PSEN2: variants seen among roughly 807,000 people sequenced by gnomAD.
PSEN2 encodes presenilin 2.
In PSEN2, 32 loss-of-function variants were observed where a neutral mutation model predicts 49.1. The observed-to-expected ratio is 0.65, with a 90% CI of 0.49 to 0.88. The LOEUF (loss-of-function observed/expected upper bound fraction) is 0.88, where lower values mean the gene tolerates loss of function less well. Among genes scored for constraint, PSEN2 ranks in the 40% least tolerant of loss-of-function variants. The pLI is 0.00. For missense variants in PSEN2, 522 were observed against 586.9 expected, an observed-to-expected ratio of 0.89 and a Z score of 1.14; for synonymous variants, 255 against 244.0, an observed-to-expected ratio of 1.05 and a Z score of -0.42.
At chr1:226,890,187 G>C (rs542445029) in intron 9 of PSEN2, 54 bp downstream of exon 9, 321 of 1,428,468 alleles carry the variant, frequency 2.2e-4, no homozygotes, top group Non-Finnish European at 2.8e-4. Context: ...GCAGCCTGTG[G>C]GGGGACAGGG....
downstream of PSEN2, chr1:226,896,248 A>G (rs1386954130): frequency 6.4e-6 from 1 of 156,294 alleles, no homozygotes; most frequent in Admixed American, 6.1e-5. Context: ...ACATTTCTTT[A>G]ACTAGAAAGT....
At chr1:226,872,927 C>T (rs891858726) in intron 2 of PSEN2, among the ~76,000 whole-genome samples, 5 of 152,128 alleles carry the variant, frequency 3.3e-5, no homozygotes, top group Admixed American at 3.3e-4. Context: ...TCTGTAATCC[C>T]AGCACTTTGG....
chr1:226,894,044 C>T lies in PSEN2; in HGVS notation c.1110C>T (p.Tyr370=), dbSNP rs1156601908. The change falls in exon 12 of 13, where the codon TAC becomes TAT. Residue 370 remains tyrosine (Y), a synonymous_variant. Coordinates refer to ENST00000366783, the MANE Select transcript of PSEN2 (RefSeq NM_000447.3). ...TTGGCCTCGGGGACTTCATCTTCTA[C>T]AGTGTGCTGGTGGGCAAGGCGGCTG... The part of the protein sequence containing the change: ...VKLGLGDFIF[Y]SVLVGKAAAT... 1 of 1,614,202 alleles carries T rather than the reference C, an allele frequency of 6.2e-7. No individual in the cohort carries two copies. The highest frequency in any genetic ancestry group is 8.5e-7 in the Non-Finnish European group (1 of 1,180,014).
At chr1:226,881,808 GCCTCCAGCCACCCCCTGAGT>G in intron 3 of PSEN2, 60 bp from the exon 4 acceptor site, 1 of 1,532,074 alleles carries the variant, frequency 6.5e-7, no homozygotes, top group South Asian at 1.1e-5. Context: ...TCTCCAGGTC[GCCTCCAGCCACCCCCTGAGT>G]CCTCCACTGC....
intron 12 of PSEN2, among the ~76,000 whole-genome samples, chr1:226,902,958 TG>T (rs1000348059): frequency 2.0e-4 from 30 of 149,202 alleles, no homozygotes; most frequent in African/African-American, 6.0e-4. Flanking sequence ...CACACACACA[TG>T]GAGAAACAAA....
intron 6 of PSEN2, among the ~76,000 whole-genome samples, chr1:226,887,882 C>CT (rs1661468400): frequency 6.6e-6 from 1 of 152,134 alleles, no homozygotes; most frequent in African/African-American, 2.4e-5. Flanking sequence ...GGAGTCCTGT[C>CT]TGCATGCGCT....
chr1:226,893,977 C>G (rs1661930980), intron 11 of PSEN2, 30 bp from the exon 12 acceptor site: 2 of 1,558,750 alleles, frequency 1.3e-6, no homozygotes, highest in Admixed American at 1.7e-5. Flanking sequence ...CACGCCTCTT[C>G]AGTACGGGTT....
At chr1:226,891,665 C>T in intron 10 of PSEN2, 78 bp from the exon 11 acceptor site, 3 of 1,311,228 alleles carry the variant, frequency 2.3e-6, no homozygotes, top group Non-Finnish European at 3.3e-6. Context: ...TGGTAACACT[C>T]TGACCAGCTG....
Position 226,895,853 on chromosome 1 carries a change from G to C in PSEN2, c.*274G>C, listed in dbSNP as rs1377731231. 3.1e-5 allele frequency: 16 copies of C among 520,212 alleles called. No homozygotes were observed. Among genetic ancestry groups the C allele is most frequent in the Non-Finnish European group, 5.6e-5 (16 of 287,328 alleles). 32.2% of individuals were successfully genotyped at this position (520,212 alleles called of 1,614,324 possible). ...ACTGAGAAGGTCAGATTAGGGCGGG[G>C]AGAAGAGCATCCGGCATGAGGGCTG... is the stretch of plus-strand genomic sequence containing the variant. On this transcript the variant is annotated 3_prime_UTR_variant, in exon 13 of 13. Coordinates refer to ENST00000366783, the MANE Select transcript of PSEN2 (RefSeq NM_000447.3).
intron 7 of PSEN2, among the ~76,000 whole-genome samples, 191 bp downstream of exon 7, chr1:226,888,349 T>C (rs892754451): frequency 3.9e-5 from 6 of 152,256 alleles, no homozygotes; most frequent in Admixed American, 2.0e-4. Context: ...GAAGTGGGGC[T>C]GCATGGTGGA....
intron 12 of PSEN2, among the ~76,000 whole-genome samples, chr1:226,901,946 G>A (rs1355439097): frequency 6.6e-6 from 1 of 152,188 alleles, no homozygotes; most frequent in African/African-American, 2.4e-5. Flanking sequence ...TTTAATAAGA[G>A]TGGTAGGTTT....
Position 226,895,795 on chromosome 1 carries a change from CG to C in PSEN2, c.*218del, listed in dbSNP as rs144289421. Reference sequence around the variant, plus strand: ...CCGCTTTGGGGAGCGCCTCGCTTCACGGACAGGAAGCACAGCAGGTTTATCC... The same window carrying C: ...CCGCTTTGGGGAGCGCCTCGCTTCACGACAGGAAGCACAGCAGGTTTATCC... On this transcript the variant is annotated 3_prime_UTR_variant, in exon 13 of 13. Coordinates refer to ENST00000366783, the MANE Select transcript of PSEN2 (RefSeq NM_000447.3). 2.8e-3 allele frequency: 1,711 copies of C among 601,610 alleles called. 19 individuals are homozygous for C. The highest frequency in any genetic ancestry group is 0.028 in the African/African-American group (1,518 of 53,978). 37.3% of individuals were successfully genotyped at this position (601,610 alleles called of 1,614,324 possible). A position where few individuals can be genotyped will look rare whatever the true frequency, so the allele number is the denominator to read the frequency against.
intron 7 of PSEN2, among the ~76,000 whole-genome samples, chr1:226,888,533 A>G (rs1661524232): frequency 6.6e-6 from 1 of 152,134 alleles, no homozygotes; most frequent in Admixed American, 6.5e-5. Context: ...TTGATTTGGG[A>G]TATCAGCCTG....
At chr1:226,888,182 G>A (rs781191111) in intron 7 of PSEN2, 24 bp downstream of exon 7, 4 of 1,589,480 alleles carry the variant, frequency 2.5e-6, no homozygotes, top group Admixed American at 3.3e-5. Context: ...AAGCAGCAGG[G>A]TCCCTGGGAG....
At chr1:226,879,604 G>A (rs1411581844) in intron 3 of PSEN2, among the ~76,000 whole-genome samples, 1 of 152,170 alleles carries the variant, frequency 6.6e-6, no homozygotes, top group African/African-American at 2.4e-5. Flanking sequence ...CAACTCATAT[G>A]TTTACTTAAG....
In PSEN2 at chr1:226,888,927, A is replaced by C. The variant is rs1163620977; in HGVS notation, c.665A>C (p.Lys222Thr). ...GTGGGCATGGTGTGCATCCACTGGA[A>C]GGGCCCTCTGGTGCTGCAGCAGGCC... ...GAVGMVCIHW[K>T]GPLVLQQAYL... Residue 222 changes from lysine to threonine, a missense_variant, in exon 8 of 13, where the codon AAG becomes ACG. Transcript: ENST00000366783. 8.1e-6 allele frequency: 13 copies of C among 1,614,054 alleles called. No individual in the cohort carries two copies. Among genetic ancestry groups the C allele is most frequent in the Non-Finnish European group, 1.0e-5 (12 of 1,180,042 alleles).
intron 2 of PSEN2, among the ~76,000 whole-genome samples, chr1:226,873,987 C>T (rs1660468391): frequency 1.3e-5 from 2 of 152,174 alleles, no homozygotes. Context: ...CTGTCCTCCC[C>T]ATGCCCATAT....
intron 10 of PSEN2, 45 bp downstream of exon 10, chr1:226,891,406 G>T: frequency 6.6e-7 from 1 of 1,523,408 alleles, no homozygotes. Flanking sequence ...CTGGGGGGCA[G>T]CTCCCTACCT....
intron 2 of PSEN2, among the ~76,000 whole-genome samples, chr1:226,871,899 TCCTCACGACGC>T (rs1343928851): frequency 6.6e-6 from 1 of 152,208 alleles, no homozygotes; most frequent in Non-Finnish European, 1.5e-5. Flanking sequence ...CAGAGCTGCG[TCCTCACGACGC>T]CCACGTTGAG....
Sources: allele counts gnomAD v4.1 joint callset (sites outside exome capture counted in the v4.1 genomes callset), GRCh38; gene constraint gnomAD v4.1.1; transcripts MANE v1.5; gene names NCBI Gene and HGNC (gene_info 2026-07-23, HGNC 2026-07-21).